Variants in KAZN observed in about 807,000 individuals in gnomAD.
KAZN encodes kazrin.
KAZN carries 40 observed loss-of-function variants against 87.4 expected under a neutral mutation model. The observed-to-expected ratio is 0.46, with a 90% CI of 0.36 to 0.60. The LOEUF is 0.60. Ranked by LOEUF, KAZN falls within the 20% of genes least tolerant of loss-of-function variation. KAZN has a pLI of 0.00. For missense variants in KAZN, 898 were observed against 1,073.9 expected (o/e 0.84, Z 2.29); for synonymous variants, 466 against 458.3 (o/e 1.02, Z -0.22).
At chr1:13,909,787 G>A (rs577849032) in intron 1 of KAZN, among the ~76,000 whole-genome samples, 1 of 152,326 alleles carries the variant, frequency 6.6e-6, no homozygotes, top group African/African-American at 2.4e-5. Context: ...TTTGGTCTGA[G>A]TTGAACCCTG....
At chr1:13,974,360 TGTA>T (rs977063867) in intron 1 of KAZN, among the ~76,000 whole-genome samples, 1 of 152,226 alleles carries the variant, frequency 6.6e-6, no homozygotes, top group Non-Finnish European at 1.5e-5. Context: ...AGATACCAGC[TGTA>T]GTGAGTTGAA....
chr1:13,936,916 T>C (rs2100955470), intron 1 of KAZN, among the ~76,000 whole-genome samples: 1 of 152,352 alleles, frequency 6.6e-6, no homozygotes, highest in South Asian at 2.1e-4. Context: ...CAAGATGGTA[T>C]CTCATTGTGA....
chr1:13,971,603 T>G (rs75659030), intron 1 of KAZN, among the ~76,000 whole-genome samples: 7,543 of 133,874 alleles, frequency 0.056, 388 homozygotes, highest in East Asian at 0.25. Context: ...AGGTTTTTTT[T>G]TTGTTGTTGT....
At chr1:14,777,970 C>T (rs10927548) in intron 1 of KAZN, among the ~76,000 whole-genome samples, 2,650 of 152,238 alleles carry the variant, frequency 0.017, 41 homozygotes, top group African/African-American at 0.045. Flanking sequence ...TCAAAGGTCA[C>T]TCTCGCCACC....
intron 1 of KAZN, among the ~76,000 whole-genome samples, chr1:14,934,453 C>G (rs1304736520): frequency 1.3e-5 from 2 of 152,166 alleles, no homozygotes; most frequent in Non-Finnish European, 2.9e-5. Flanking sequence ...GATCCACCTG[C>G]CTTTGCCTCC....
At position 14,401,850 on chromosome 1, in the gene KAZN, C is replaced by G. The variant is rs1223787383; in HGVS notation, c.250-197133C>G. On this transcript the variant is annotated intron_variant, in intron 2 of 16. Coordinates refer to the KAZN transcript ENST00000636203. ...ATAAAACCAAACACCTCTTATCAAA[C>G]TAGAAATGGGAAAAAAAATTGCTGC... 2.0e-5 allele frequency among the ~76,000 whole-genome samples: 3 copies of G among 151,832 alleles called. No homozygotes were observed. The East Asian group carries it at 5.8e-4, about 29-fold the overall frequency.
chr1:14,458,951 C>A (rs1331386530), intron 2 of KAZN, among the ~76,000 whole-genome samples: 2 of 152,096 alleles, frequency 1.3e-5, no homozygotes, highest in African/African-American at 4.8e-5. Flanking sequence ...CTTAAGTTAG[C>A]CAACTCTGAA....
chr1:14,291,334 C>T (rs753002359), intron 2 of KAZN, among the ~76,000 whole-genome samples: 2 of 152,216 alleles, frequency 1.3e-5, no homozygotes, highest in Non-Finnish European at 2.9e-5. Flanking sequence ...CTCCCGTGGC[C>T]TCCATCCAGT....
intron 8 of KAZN, among the ~76,000 whole-genome samples, chr1:15,070,714 G>A (rs1639468378): frequency 6.6e-6 from 1 of 152,310 alleles, no homozygotes; most frequent in African/African-American, 2.4e-5. Context: ...GGTGGCACAC[G>A]CCTGTAGTCC....
At chr1:13,953,741 A>T (rs1487803853) in intron 1 of KAZN, among the ~76,000 whole-genome samples, 1 of 152,058 alleles carries the variant, frequency 6.6e-6, no homozygotes, top group Non-Finnish European at 1.5e-5. Flanking sequence ...TCATGTCTTT[A>T]GCTTGTTTTT....
intron 1 of KAZN, among the ~76,000 whole-genome samples, chr1:14,958,767 A>G (rs962146897): frequency 6.6e-6 from 1 of 152,204 alleles, no homozygotes; most frequent in African/African-American, 2.4e-5. Context: ...TGTCCGGTCT[A>G]GCCAGGGCTG....
chr1:15,066,456 A>G lies in KAZN; in HGVS notation c.1222+703A>G, dbSNP rs1279328615. The G allele has an allele frequency of 4.1e-6, 4 of 985,212 alleles. No individual in the cohort carries two copies. The highest frequency in any genetic ancestry group is 3.5e-5 in the African/African-American group (2 of 57,188). The allele number at this position is 985,212 out of a possible 1,614,324, so 61.0% of individuals were successfully genotyped here. Reference sequence around the variant, plus strand: ...GCTCTGCTCTCTACAAAGACTCGCGAGCCGGGCCAAGGGGCCTTGTCTTGG... The same window carrying G: ...GCTCTGCTCTCTACAAAGACTCGCGGGCCGGGCCAAGGGGCCTTGTCTTGG... On this transcript the variant is annotated intron_variant, in intron 8 of 14. Coordinates refer to ENST00000376030, the MANE Select transcript of KAZN (RefSeq NM_201628.3). This position sits in a 1 kb window ranked among gnomAD's most constrained non-coding sequence, Gnocchi z 4.3.
chr1:14,079,523 G>T (rs191303407), intron 1 of KAZN, among the ~76,000 whole-genome samples: 1 of 152,114 alleles, frequency 6.6e-6, no homozygotes, highest in Non-Finnish European at 1.5e-5. Context: ...GGAATGCTAC[G>T]TGTTCTAGGA....
chr1:14,220,769 C>A (rs1647078931), intron 2 of KAZN, among the ~76,000 whole-genome samples: 1 of 152,202 alleles, frequency 6.6e-6, no homozygotes, highest in Admixed American at 6.5e-5. Flanking sequence ...AGCTCTCAAG[C>A]ATAGATAGTC....
At position 14,244,919 on chromosome 1, in the gene KAZN, A is replaced by C. The variant is rs568810643; in HGVS notation, c.249+64327A>C. Among the ~76,000 whole-genome samples the C allele has an allele frequency of 7.9e-5, 12 of 152,024 alleles. No individual in the cohort carries two copies. In the East Asian group the frequency reaches 2.3e-3, roughly 29 times the overall value. The stretch of plus-strand genomic sequence containing the variant: ...AATTGTAGTATTCTGAGCAGAAGAG[A>C]GGCATGATCCAGCTTGTATTTTAGT... On this transcript the variant is annotated intron_variant, in intron 2 of 16. Transcript: ENST00000636203.
chr1:14,841,405 C>CAAAAAA (rs57248871), intron 1 of KAZN, among the ~76,000 whole-genome samples: 14 of 88,868 alleles, frequency 1.6e-4, no homozygotes, highest in Non-Finnish European at 2.9e-4. Context: ...GACTCCGTCT[C>CAAAAAA]AAAAAAAAAA....
At chr1:15,031,876 A>G (rs13374759) in intron 2 of KAZN, among the ~76,000 whole-genome samples, 122,645 of 152,128 alleles carry the variant, frequency 0.81, 49,758 homozygotes, top group Admixed American at 0.86. Flanking sequence ...CCAAGGTGCT[A>G]GGATTACAAG....
At chr1:14,562,027 C>G (rs947313356) in intron 2 of KAZN, among the ~76,000 whole-genome samples, 8 of 152,182 alleles carry the variant, frequency 5.3e-5, no homozygotes, top group African/African-American at 1.7e-4. Context: ...TTTGCCTCCC[C>G]CTGGGGATGG....
rs1639202047 is a variant in KAZN at position 15,066,049 on chromosome 1, G to A, written c.1222+296G>A. 12 of 1,221,508 alleles carry A rather than the reference G, an allele frequency of 9.8e-6. No homozygotes were observed. The highest frequency in any genetic ancestry group is 4.3e-5 in the Admixed American group (1 of 23,226). The allele number at this position is 1,221,508 out of a possible 1,614,324, so 75.7% of individuals were successfully genotyped here. A position where few individuals can be genotyped will look rare whatever the true frequency, so the allele number is the denominator to read the frequency against. ...TGTGTGAACCTGTCAACTCTCTGTCGTCTTTGGAGCGATACAGTTGTGTTG... is the reference window on the plus strand; with the variant it reads ...TGTGTGAACCTGTCAACTCTCTGTCATCTTTGGAGCGATACAGTTGTGTTG... On this transcript the variant is annotated intron_variant, in intron 8 of 14. Transcript: ENST00000376030. The surrounding 1 kb of genome is among the most constrained non-coding windows in gnomAD (Gnocchi z 4.3).
Sources: gnomAD v4.1 joint callset for allele counts (sites outside exome capture counted in the v4.1 genomes callset) on GRCh38, gnomAD v4.1.1 for gene constraint, Gnocchi (gnomAD v3.1) non-coding constraint, MANE v1.5 for transcripts, NCBI Gene and HGNC (gene_info 2026-07-23, HGNC 2026-07-21) for gene names.